Variants in LSAMP observed in about 807,000 individuals in gnomAD.
The protein encoded by LSAMP is limbic system-associated membrane protein.
A neutral mutation model predicts 38.6 loss-of-function variants in LSAMP; 7 were observed. That is an observed-to-expected ratio of 0.18 (90% CI 0.10 to 0.34). LSAMP has a LOEUF of 0.34. Among genes scored for constraint, LSAMP ranks in the 10% least tolerant of loss-of-function variants. The probability of loss-of-function intolerance (pLI) is 1.00; values close to 1 mark genes in which losing one functional copy is unlikely to be tolerated. For missense variants in LSAMP, 313 were observed against 420.0 expected, an observed-to-expected ratio of 0.75 and a Z score of 2.23; for synonymous variants, 154 against 166.8, an observed-to-expected ratio of 0.92 and a Z score of 0.59.
At chr3:116,269,053 T>TGTATAGAATA (rs2046934010) in intron 1 of LSAMP, among the ~76,000 whole-genome samples, 1 of 152,136 alleles carries the variant, frequency 6.6e-6, no homozygotes, top group East Asian at 1.9e-4. Context: ...AGAAAGCTGC[T>TGTATAGAATA]GTATAGAATA....
chr3:116,015,658 T>C (rs1451997308), intron 3 of LSAMP, among the ~76,000 whole-genome samples: 1 of 152,184 alleles, frequency 6.6e-6, no homozygotes, highest in Non-Finnish European at 1.5e-5. Flanking sequence ...TTATTTTGTA[T>C]GTATGAAAAA....
intron 1 of LSAMP, among the ~76,000 whole-genome samples, chr3:116,358,106 G>T (rs911095974): frequency 6.6e-6 from 1 of 152,070 alleles, no homozygotes; most frequent in Non-Finnish European, 1.5e-5. Flanking sequence ...AGTATGTTTA[G>T]TCTAACCGCC....
chr3:116,151,623 G>C (rs1245139441), intron 1 of LSAMP, among the ~76,000 whole-genome samples: 2 of 151,996 alleles, frequency 1.3e-5, no homozygotes, highest in Non-Finnish European at 2.9e-5. Flanking sequence ...GAGCAGGGTG[G>C]AGGAGAGCCA....
chr3:116,346,834 T>C (rs185761389), intron 1 of LSAMP, among the ~76,000 whole-genome samples: 1 of 152,202 alleles, frequency 6.6e-6, no homozygotes, highest in Admixed American at 6.5e-5. Flanking sequence ...CCTAGAGCAG[T>C]GGTCTTCTAA....
At chr3:115,997,819 T>C (rs1218165615) in intron 3 of LSAMP, among the ~76,000 whole-genome samples, 1 of 145,176 alleles carries the variant, frequency 6.9e-6, no homozygotes, top group Non-Finnish European at 1.5e-5. Flanking sequence ...TATACTAATA[T>C]ATGTATTTTA....
At chr3:116,105,066 T>A (rs1012694477) in intron 1 of LSAMP, among the ~76,000 whole-genome samples, 2 of 152,070 alleles carry the variant, frequency 1.3e-5, no homozygotes, top group Non-Finnish European at 2.9e-5. Context: ...AAGAGCCAGC[T>A]ATACTCTAAA....
In LSAMP at chr3:116,079,631, CAA is replaced by C. The variant is rs34038261; in HGVS notation, c.388+6691_388+6692del. Among the ~76,000 whole-genome samples, 553 of 86,068 alleles carry C rather than the reference CAA, an allele frequency of 6.4e-3. 3 individuals carry two copies. The highest frequency in any genetic ancestry group is 0.015 in the African/African-American group (353 of 23,502). 56.5% of individuals were successfully genotyped at this position (86,068 alleles called of 152,430 possible). A position where few individuals can be genotyped will look rare whatever the true frequency, so the allele number is the denominator to read the frequency against. ...TGGGCAGCAGAGTGAGACTCTGTCT[CAA>C]AAAAAAAAAAAAAAAAAAAGAATGA... On this transcript the variant is annotated intron_variant, in intron 2 of 6. Transcript: ENST00000490035.
At chr3:116,296,694 CAAAAAAAAAA>C (rs10659032) in intron 1 of LSAMP, among the ~76,000 whole-genome samples, 5 of 59,728 alleles carry the variant, frequency 8.4e-5, no homozygotes, top group African/African-American at 2.0e-4. Context: ...GACTCTGTCT[CAAAAAAAAAA>C]AAAAAAAAAA....
intron 1 of LSAMP, among the ~76,000 whole-genome samples, chr3:116,381,353 T>C (rs1248718038): frequency 6.6e-6 from 1 of 152,112 alleles, no homozygotes. Context: ...ACATGAAAGA[T>C]CATGTGGACT....
intron 1 of LSAMP, among the ~76,000 whole-genome samples, chr3:116,268,220 T>A (rs2046918680): frequency 6.6e-6 from 1 of 151,816 alleles, no homozygotes; most frequent in Non-Finnish European, 1.5e-5. Flanking sequence ...AAAAAATGTG[T>A]GTGTGTAGTA....
At chr3:115,921,942 T>C (rs1937392363) in intron 3 of LSAMP, among the ~76,000 whole-genome samples, 1 of 152,198 alleles carries the variant, frequency 6.6e-6, no homozygotes, top group Admixed American at 6.5e-5. Context: ...TACTCCCTTG[T>C]ATGTGATATA....
chr3:116,012,837 C>T (rs192545846), intron 3 of LSAMP, among the ~76,000 whole-genome samples: 1 of 152,122 alleles, frequency 6.6e-6, no homozygotes, highest in Non-Finnish European at 1.5e-5. Flanking sequence ...ATTGCTAATA[C>T]TGCACCAAGA....
intron 3 of LSAMP, among the ~76,000 whole-genome samples, chr3:115,991,949 C>T (rs1159814122): frequency 3.9e-5 from 6 of 152,002 alleles, no homozygotes; most frequent in Admixed American, 6.6e-5. Flanking sequence ...CTTCTTTTCC[C>T]CACCCATGTT....
At chr3:115,914,866 T>C (rs1202267258) in intron 3 of LSAMP, among the ~76,000 whole-genome samples, 3 of 152,206 alleles carry the variant, frequency 2.0e-5, no homozygotes, top group Non-Finnish European at 4.4e-5. Flanking sequence ...CTTTTTAGGA[T>C]TCTTTTGCAC....
At chr3:115,931,199 G>A (rs4488827) in intron 3 of LSAMP, among the ~76,000 whole-genome samples, 57,068 of 151,904 alleles carry the variant, frequency 0.38, 11,956 homozygotes, top group South Asian at 0.61. Context: ...GAGAACTGAC[G>A]CCAACACCCA....
At chr3:115,943,217 T>C (rs940564101) in intron 3 of LSAMP, among the ~76,000 whole-genome samples, 2 of 152,158 alleles carry the variant, frequency 1.3e-5, no homozygotes, top group Non-Finnish European at 2.9e-5. Context: ...CAGAGAGTAC[T>C]GGGAAGAAAG....
intron 1 of LSAMP, among the ~76,000 whole-genome samples, chr3:116,390,801 T>C (rs2048684073): frequency 6.8e-6 from 1 of 146,546 alleles, no homozygotes; most frequent in South Asian, 2.2e-4. Flanking sequence ...AATATCCATA[T>C]ATTCTGCAGA....
intron 3 of LSAMP, among the ~76,000 whole-genome samples, chr3:115,924,757 C>T (rs1263801991): frequency 6.6e-6 from 1 of 152,080 alleles, no homozygotes; most frequent in Admixed American, 6.5e-5. Context: ...AAATAAATGT[C>T]GGGTCAAATT....
intron 6 of LSAMP, among the ~76,000 whole-genome samples, chr3:115,828,246 A>G (rs1283568841): frequency 6.6e-6 from 1 of 152,208 alleles, no homozygotes; most frequent in Non-Finnish European, 1.5e-5. Flanking sequence ...GGTTAAAATT[A>G]AGGTTCATAC....
Sources: gnomAD v4.1 joint callset for allele counts (sites outside exome capture counted in the v4.1 genomes callset) on GRCh38, gnomAD v4.1.1 for gene constraint, MANE v1.5 for transcripts, NCBI Gene and HGNC (gene_info 2026-07-23, HGNC 2026-07-21) for gene names.